The following ANKRD11 variants were observed in gnomAD, a reference collection of about 807,000 sequenced individuals.
The protein encoded by ANKRD11 is ankyrin repeat domain-containing protein 11.
In ANKRD11, 17 loss-of-function variants were observed where a neutral mutation model predicts 195.7. The observed-to-expected ratio is 0.09, with a 90% CI of 0.06 to 0.13. The LOEUF is 0.13. Ranked by LOEUF, ANKRD11 falls within the 10% of genes least tolerant of loss-of-function variation. The probability of loss-of-function intolerance (pLI) is 1.00; values close to 1 mark genes in which losing one functional copy is unlikely to be tolerated. For missense variants in ANKRD11, 3,735 were observed against 3,566.1 expected (o/e 1.05, Z -1.21); for synonymous variants, 1,953 against 1,528.1 (o/e 1.28, Z -6.49).
chr16:89,469,681 G>C (rs1008035493), intron 1 of ANKRD11, among the ~76,000 whole-genome samples: 2 of 150,464 alleles, frequency 1.3e-5, no homozygotes, highest in East Asian at 2.1e-4. Flanking sequence ...GGCGGATCAC[G>C]AGGTCAGGAG....
At chr16:89,404,451 T>C (rs1391803680) in intron 2 of ANKRD11, among the ~76,000 whole-genome samples, 1 of 152,242 alleles carries the variant, frequency 6.6e-6, no homozygotes, top group Non-Finnish European at 1.5e-5. Flanking sequence ...CCTCTGCTTT[T>C]AAAGGATTAA....
intron 1 of ANKRD11, among the ~76,000 whole-genome samples, chr16:89,420,927 G>A (rs577477026): frequency 1.3e-5 from 2 of 152,338 alleles, no homozygotes; most frequent in African/African-American, 4.8e-5. Context: ...CTATAAACAA[G>A]CTATGTTGTC....
At chr16:89,447,404 T>C (rs1451155351) in intron 1 of ANKRD11, among the ~76,000 whole-genome samples, 1 of 152,040 alleles carries the variant, frequency 6.6e-6, no homozygotes, top group African/African-American at 2.4e-5. Context: ...AAACATCACA[T>C]AGCACGATCT....
intron 2 of ANKRD11, among the ~76,000 whole-genome samples, chr16:89,371,791 C>G (rs1172033983): frequency 6.6e-6 from 1 of 152,192 alleles, no homozygotes; most frequent in African/African-American, 2.4e-5. Context: ...TCCATCAAGG[C>G]CACGCCCTCT....
At chr16:89,407,987 A>G (rs1291128456) in intron 2 of ANKRD11, among the ~76,000 whole-genome samples, 1 of 152,186 alleles carries the variant, frequency 6.6e-6, no homozygotes, top group Non-Finnish European at 1.5e-5. Context: ...TCTATAGCGA[A>G]GTGTGGAAAA....
chr16:89,341,878 ACGGCAGGAGTGCTGCACCTCCACCC>A, intron 2 of ANKRD11, among the ~76,000 whole-genome samples: 3 of 140,298 alleles, frequency 2.1e-5, no homozygotes, highest in African/African-American at 2.7e-5. Context: ...GCCACGGCCC[ACGGCAGGAGTGCTGCACCTCCACCC>A]ACAGCGGCCA....
At chr16:89,487,003 C>T (rs1044111067) in intron 1 of ANKRD11, among the ~76,000 whole-genome samples, 2 of 129,562 alleles carry the variant, frequency 1.5e-5, no homozygotes, top group South Asian at 2.6e-4. Context: ...AGCGAGACTC[C>T]GTCTCAAAAA....
At chr16:89,286,629 G>C in intron 7 of ANKRD11, 1 of 1,196,830 alleles carries the variant, frequency 8.4e-7, no homozygotes, top group Non-Finnish European at 1.1e-6. Context: ...GGAAAGGGTT[G>C]GGGGGACAGA....
In ANKRD11 at chr16:89,282,693, C is replaced by T; in HGVS notation, c.3849G>A (p.Lys1283=). 6.2e-7 allele frequency: 1 copy of T among 1,614,172 alleles called. No individual in the cohort carries two copies. Among genetic ancestry groups the T allele is most frequent in the Non-Finnish European group, 8.5e-7 (1 of 1,180,040 alleles). The change falls in exon 9 of 13, where the codon AAG becomes AAA. Residue 1283 remains lysine (K), a synonymous_variant. Coordinates refer to ENST00000301030, the MANE Select transcript of ANKRD11 (RefSeq NM_013275.6). The part of the protein sequence containing the change: ...SADAEKSLLE[K]LEEEALHEYR... ...ACTCATGGAGAGCCTCTTCTTCCAA[C>T]TTTTCAAGCAGGCTTTTTTCCGCGT...
At chr16:89,352,400 C>A (rs1179963032) in intron 2 of ANKRD11, among the ~76,000 whole-genome samples, 1 of 151,418 alleles carries the variant, frequency 6.6e-6, no homozygotes, top group Non-Finnish European at 1.5e-5. Context: ...AAGCAGAAGG[C>A]CACAGTGACG....
chr16:89,391,539 TC>T (rs1477125639), intron 2 of ANKRD11, among the ~76,000 whole-genome samples: 2 of 152,230 alleles, frequency 1.3e-5, no homozygotes, highest in African/African-American at 2.4e-5. Context: ...GTGTTGACTG[TC>T]GCTGTGGCAT....
intron 4 of ANKRD11, among the ~76,000 whole-genome samples, chr16:89,295,985 CTTTTTTTT>C (rs60214636): frequency 2.2e-5 from 1 of 45,142 alleles, no homozygotes; most frequent in African/African-American, 1.1e-4. Context: ...ATCTGGCTGC[CTTTTTTTT>C]TTTTTTTTTT....
chr16:89,410,252 A>C (rs1429974889), intron 2 of ANKRD11, among the ~76,000 whole-genome samples: 1 of 152,202 alleles, frequency 6.6e-6, no homozygotes, highest in Non-Finnish European at 1.5e-5. Context: ...TGTCACCTAA[A>C]GCCTCATAAC....
intron 2 of ANKRD11, among the ~76,000 whole-genome samples, chr16:89,387,094 G>A (rs753148626): frequency 6.6e-6 from 1 of 152,176 alleles, no homozygotes; most frequent in African/African-American, 2.4e-5. Context: ...GTGACATGGA[G>A]GAGGTGTCTG....
At chr16:89,391,559 A>G (rs1199104412) in intron 2 of ANKRD11, among the ~76,000 whole-genome samples, 1 of 152,218 alleles carries the variant, frequency 6.6e-6, no homozygotes, top group African/African-American at 2.4e-5. Context: ...ATGAGAGCAA[A>G]GGAAAAATCT....
Position 89,468,662 on chromosome 16 carries a change from G to A in ANKRD11, c.-145+21583C>T, listed in dbSNP as rs143744439. 3.3e-3 allele frequency among the ~76,000 whole-genome samples: 498 copies of A among 152,164 alleles called. 2 individuals carry two copies. Among genetic ancestry groups the A allele is most frequent in the African/African-American group, 0.011 (474 of 41,502 alleles). On this transcript the variant is annotated intron_variant, in intron 1 of 12. Coordinates refer to ENST00000301030, the MANE Select transcript of ANKRD11 (RefSeq NM_013275.6). ...GCAGAGGTTGCAGTGAGCCGAGATC[G>A]CGCCACTGCACTCCAGCCTGGGCAA...
At chr16:89,348,570 G>A (rs918093292) in intron 2 of ANKRD11, among the ~76,000 whole-genome samples, 7 of 152,122 alleles carry the variant, frequency 4.6e-5, no homozygotes, top group Non-Finnish European at 8.8e-5. Context: ...TCAGTCATCC[G>A]GGACTGAAGG....
intron 2 of ANKRD11, among the ~76,000 whole-genome samples, chr16:89,329,995 A>AAAAAAAAAATAAAAT (rs2037959934): frequency 6.8e-6 from 1 of 146,212 alleles, no homozygotes; most frequent in African/African-American, 2.6e-5. Context: ...ACCTTGTCTC[A>AAAAAAAAAATAAAAT]AAAATAAAAT....
At chr16:89,296,191 CAG>C (rs1457474498) in intron 4 of ANKRD11, among the ~76,000 whole-genome samples, 4 of 151,812 alleles carry the variant, frequency 2.6e-5, no homozygotes, top group Non-Finnish European at 5.9e-5. Context: ...AACTTCACGT[CAG>C]AGTCATATTT....
Sources: allele counts gnomAD v4.1 joint callset (sites outside exome capture counted in the v4.1 genomes callset), GRCh38; gene constraint gnomAD v4.1.1; transcripts MANE v1.5; gene names NCBI Gene and HGNC (gene_info 2026-07-23, HGNC 2026-07-21).